SYNJ2: variants seen among roughly 807,000 people sequenced by gnomAD.
SYNJ2 encodes the protein synaptojanin 2.
In SYNJ2, 116 loss-of-function variants were observed where a neutral mutation model predicts 141.3. The ratio of observed to expected loss-of-function variants is 0.82; its 90% CI spans 0.71 to 0.96. The LOEUF (loss-of-function observed/expected upper bound fraction) is 0.96, where lower values mean the gene tolerates loss of function less well. SYNJ2 is among the 40% of genes least tolerant of loss of function. SYNJ2 has a pLI of 0.00. For synonymous variants in SYNJ2, 745 were observed against 777.7 expected, an observed-to-expected ratio of 0.96 and a Z score of 0.70; for missense variants, 1,873 against 1,934.8, an observed-to-expected ratio of 0.97 and a Z score of 0.60.
rs114485692 is a variant in SYNJ2 at position 158,044,438 on chromosome 6, T to G, written c.795+1039T>G. ...GGATGAATGGAGGTCTCGTTTAGGC[T>G]CCACGCTCTGGTAGGGAGAAAAGTC... On this transcript the variant is annotated intron_variant, in intron 5 of 26. Coordinates refer to ENST00000355585, the MANE Select transcript of SYNJ2 (RefSeq NM_003898.4). 3.0e-3 allele frequency among the ~76,000 whole-genome samples: 456 copies of G among 152,226 alleles called. 5 individuals carry two copies. The highest frequency in any genetic ancestry group is 0.011 in the African/African-American group (442 of 41,532).
intron 5 of SYNJ2, among the ~76,000 whole-genome samples, chr6:158,045,099 C>CTTTTTT (rs761042284): frequency 8.9e-6 from 1 of 112,284 alleles, no homozygotes; most frequent in Non-Finnish European, 1.8e-5. Flanking sequence ...AGGGGTCCTC[C>CTTTTTT]TTTTTTTTTT....
rs1230669937 is a variant in SYNJ2, at chr6:158,029,046, G to GCAGAGGGTGGGCCCTGGGTCTCCTA, written c.485+44_485+45insACAGAGGGTGGGCCCTGGGTCTCCT. 5.6e-6 allele frequency: 9 copies of GCAGAGGGTGGGCCCTGGGTCTCCTA among 1,611,434 alleles called. No individual in the cohort carries two copies. In the South Asian group the frequency reaches 8.8e-5, roughly 16 times the overall value. On this transcript the variant is annotated intron_variant, in intron 3 of 26. Coordinates refer to ENST00000355585, the MANE Select transcript of SYNJ2 (RefSeq NM_003898.4). ...CTTCTGGTGAGGCCCTGGGTCCCCT[G>GCAGAGGGTGGGCCCTGGGTCTCCTA]CAGAGGGTGGGCCCTGGGTCTCCTG...
At chr6:158,022,624 C>T (rs1477655966) in intron 2 of SYNJ2, among the ~76,000 whole-genome samples, 1 of 152,238 alleles carries the variant, frequency 6.6e-6, no homozygotes, top group African/African-American at 2.4e-5. Context: ...CCTGAGGCCA[C>T]ACAGGCCACT....
At chr6:158,067,659 G>T (rs909733544) in intron 12 of SYNJ2, 39 of 985,268 alleles carry the variant, frequency 4.0e-5, no homozygotes, top group Non-Finnish European at 4.6e-5. Context: ...ACATGCAGTG[G>T]CCCATGTGTA....
chr6:158,083,360 A>T, intron 20 of SYNJ2, 69 bp from the exon 21 acceptor site: 3 of 1,558,972 alleles, frequency 1.9e-6, no homozygotes, highest in Admixed American at 1.8e-5. Context: ...TTTGGTGAGA[A>T]GCATTGTGTG....
chr6:158,096,274 T>A lies in SYNJ2; in HGVS notation c.4401T>A (p.His1467Gln). The change falls in exon 27 of 27, where the codon CAT becomes CAA. Residue 1467 changes from histidine (H) to glutamine (Q), a missense_variant. His to Gln is a conservative substitution (Grantham distance 24). Coordinates refer to ENST00000355585, the MANE Select transcript of SYNJ2 (RefSeq NM_003898.4). ...CCAAGGCAGAGCTGCCACCAGATCA[T>A]GAACACAAAACCTTAGGTCACTGGG... is the stretch of plus-strand genomic sequence containing the variant. The part of the protein sequence containing the change: ...SAAKAELPPD[H>Q]EHKTLGHWVT... The A allele has an allele frequency of 6.2e-7, 1 of 1,614,192 alleles. No individual in the cohort carries two copies. The highest frequency in any genetic ancestry group is 1.3e-5 in the African/African-American group (1 of 75,062).
intron 18 of SYNJ2, 132 bp downstream of exon 18, chr6:158,078,413 C>T: frequency 1.7e-6 from 1 of 595,848 alleles, no homozygotes; most frequent in Non-Finnish European, 3.0e-6. Flanking sequence ...GCATACAATA[C>T]ACCAAAGAAC....
In SYNJ2 at chr6:158,006,785, G is replaced by A. The variant is rs916028288; in HGVS notation, c.128-10419G>A. Among the ~76,000 whole-genome samples, 5 of 152,116 alleles carry A rather than the reference G, an allele frequency of 3.3e-5. No individual in the cohort carries two copies. The South Asian group carries it at 6.2e-4, about 19-fold the overall frequency. On this transcript the variant is annotated intron_variant, in intron 1 of 26. Transcript: ENST00000355585. ...CCTCCTGGGTTCAAGTGATTCTCCTGCCTCAGCCTCCCAAGTAGCTGTGAT... is the reference window on the plus strand; with the variant it reads ...CCTCCTGGGTTCAAGTGATTCTCCTACCTCAGCCTCCCAAGTAGCTGTGAT...
intron 2 of SYNJ2, among the ~76,000 whole-genome samples, chr6:158,020,110 G>A (rs1431795783): frequency 2.9e-5 from 4 of 137,924 alleles, no homozygotes; most frequent in South Asian, 2.4e-4. Flanking sequence ...CCAATTGTGT[G>A]ACTAACTCCA....
At chr6:158,000,608 G>T (rs867387969) in intron 1 of SYNJ2, among the ~76,000 whole-genome samples, 1 of 152,144 alleles carries the variant, frequency 6.6e-6, no homozygotes, top group South Asian at 2.1e-4. Context: ...ATTCTGGATT[G>T]AAATATGGAG....
intron 3 of SYNJ2, among the ~76,000 whole-genome samples, 198 bp from the exon 4 acceptor site, chr6:158,033,257 T>C (rs1268713600): frequency 6.6e-6 from 1 of 152,188 alleles, no homozygotes; most frequent in Admixed American, 6.5e-5. Context: ...GGTCCTGCTA[T>C]TTGGGATCTC....
At chr6:157,997,758 T>C (rs1178296618) in intron 1 of SYNJ2, among the ~76,000 whole-genome samples, 1 of 100,212 alleles carries the variant, frequency 1.0e-5, no homozygotes, top group East Asian at 3.2e-4. Flanking sequence ...TGACGAAGCA[T>C]TGGCAAAAAA....
intron 4 of SYNJ2, among the ~76,000 whole-genome samples, chr6:158,041,226 G>A (rs1228882579): frequency 6.6e-6 from 1 of 152,090 alleles, no homozygotes; most frequent in African/African-American, 2.4e-5. Flanking sequence ...AGTGGCAGTC[G>A]GACCCAGCTT....
chr6:158,089,811 C>G (rs373955013), intron 24 of SYNJ2, 28 bp from the exon 25 acceptor site: 16 of 1,575,568 alleles, frequency 1.0e-5, no homozygotes, highest in Non-Finnish European at 1.2e-5. Flanking sequence ...TCTGCTGATA[C>G]TCTGCTCTTC....
At chr6:158,031,200 C>T (rs567656531) in intron 3 of SYNJ2, among the ~76,000 whole-genome samples, 236 of 152,286 alleles carry the variant, frequency 1.5e-3, no homozygotes, top group African/African-American at 3.3e-3. Flanking sequence ...GTGTGGAGTC[C>T]GTGAAACTAT....
chr6:157,981,844 G>A (rs933644100), upstream of SYNJ2: 75 of 923,692 alleles, frequency 8.1e-5, no homozygotes, highest in Non-Finnish European at 6.2e-5. This position sits in a 1 kb window ranked among gnomAD's most constrained non-coding sequence, Gnocchi z 6.4. Context: ...CTGGCGCGGC[G>A]GGAGCGGCGG....
rs781179208 is a variant in SYNJ2 at position 158,064,949 on chromosome 6, G to A, written c.1483G>A (p.Ala495Thr). 7 of 1,610,978 alleles carry A rather than the reference G, an allele frequency of 4.3e-6. No homozygotes were observed. The highest frequency in any genetic ancestry group is 5.9e-6 in the Non-Finnish European group (7 of 1,178,618). Residue 495 changes from alanine (A) to threonine (T), a missense_variant, in exon 11 of 27, where the codon GCA (alanine) becomes ACA (threonine). Ala to Thr is a moderately conservative substitution (Grantham distance 58). Transcript: ENST00000355585. ...TGGGGACGTCTACGGCGAGGAGGTG[G>A]CAGACAAAGGGGGCATGCTGCTGGA... The part of the protein sequence containing the change: ...LVGDVYGEEV[A>T]DKGGMLLDST...
rs1366312863 is a variant in SYNJ2 at position 158,017,354 on chromosome 6, G to T, written c.214+64G>T. The T allele has an allele frequency of 2.6e-6, 4 of 1,539,054 alleles. 1 individual carries two copies. In the South Asian group the frequency reaches 4.8e-5, roughly 19 times the overall value. Reference sequence around the variant, plus strand: ...CCCGGTGGGCAGGAGCCTCTGTGTCGGAAGGGGCCTCAGTGCAGGCATTCT... The same window carrying T: ...CCCGGTGGGCAGGAGCCTCTGTGTCTGAAGGGGCCTCAGTGCAGGCATTCT... On this transcript the variant is annotated intron_variant, in intron 2 of 26. Transcript: ENST00000355585.
intron 1 of SYNJ2, among the ~76,000 whole-genome samples, chr6:158,016,445 T>C (rs1165975031): frequency 1.3e-5 from 2 of 152,198 alleles, no homozygotes; most frequent in Non-Finnish European, 2.9e-5. Flanking sequence ...TGAGGTCTTT[T>C]GTGACTGGCT....
Sources: gnomAD v4.1 joint callset for allele counts (sites outside exome capture counted in the v4.1 genomes callset) on GRCh38, gnomAD v4.1.1 for gene constraint, Gnocchi (gnomAD v3.1) non-coding constraint, MANE v1.5 for transcripts, NCBI Gene and HGNC (gene_info 2026-07-23, HGNC 2026-07-21) for gene names.